DZANK1: variants seen among roughly 807,000 people sequenced by gnomAD.
DZANK1 encodes the protein double zinc ribbon and ankyrin repeat domains 1.
In DZANK1, 91 loss-of-function variants were observed where a neutral mutation model predicts 94.5. The ratio of observed to expected loss-of-function variants is 0.96; its 90% CI spans 0.81 to 1.15. The LOEUF is 1.15. DZANK1 is among the 50% of genes most tolerant of loss of function. DZANK1 has a pLI of 0.00. For synonymous variants in DZANK1, 312 were observed against 325.3 expected (o/e 0.96, Z 0.44); for missense variants, 903 against 916.4 (o/e 0.99, Z 0.19).
At chr20:18,436,750 A>C (rs983000142) in intron 8 of DZANK1, among the ~76,000 whole-genome samples, 12 of 152,152 alleles carry the variant, frequency 7.9e-5, no homozygotes, top group African/African-American at 2.9e-4. Context: ...AAAGACAAAC[A>C]CAAAGAGACC....
chr20:18,394,119 A>T, intron 16 of DZANK1, 135 bp downstream of exon 16: 1 of 768,378 alleles, frequency 1.3e-6, no homozygotes, highest in Non-Finnish European at 2.1e-6. Flanking sequence ...GAGAAGCCAG[A>T]GAAATAAAAC....
chr20:18,429,864 C>T (rs1198219633), intron 9 of DZANK1, among the ~76,000 whole-genome samples: 1 of 152,158 alleles, frequency 6.6e-6, no homozygotes, highest in African/African-American at 2.4e-5. Flanking sequence ...TATCACAATC[C>T]ACTATACTCA....
chr20:18,392,666 T>C (rs2056082926), intron 17 of DZANK1, among the ~76,000 whole-genome samples: 2 of 152,268 alleles, frequency 1.3e-5, no homozygotes, highest in African/African-American at 2.4e-5. Flanking sequence ...ATTCTTGGCA[T>C]ATATTTTTAA....
chr20:18,386,853 C>G (rs1422566250), intron 19 of DZANK1, among the ~76,000 whole-genome samples: 1 of 152,126 alleles, frequency 6.6e-6, no homozygotes, highest in Non-Finnish European at 1.5e-5. Context: ...TGTGGAATTT[C>G]AGAACATCAA....
intron 10 of DZANK1, among the ~76,000 whole-genome samples, chr20:18,425,767 C>T (rs2058013681): frequency 6.6e-6 from 1 of 152,122 alleles, no homozygotes; most frequent in South Asian, 2.1e-4. Context: ...GAAATCTGGA[C>T]ACAGTGGCAT....
At chr20:18,452,763 T>C (rs762267536) in intron 5 of DZANK1, 24 bp from the exon 6 acceptor site, 34 of 1,536,802 alleles carry the variant, frequency 2.2e-5, no homozygotes, top group Non-Finnish European at 2.9e-5. Context: ...AAAAACATTA[T>C]TCTTTGAGCA....
At chr20:18,406,541 C>T (rs968978674) in intron 13 of DZANK1, among the ~76,000 whole-genome samples, 4 of 152,232 alleles carry the variant, frequency 2.6e-5, no homozygotes, top group Non-Finnish European at 5.9e-5. Context: ...AAATAACCAC[C>T]AGCAATACCC....
intron 14 of DZANK1, among the ~76,000 whole-genome samples, chr20:18,397,650 G>A (rs886954667): frequency 2.0e-5 from 3 of 152,216 alleles, no homozygotes; most frequent in African/African-American, 7.2e-5. Context: ...GGGCATAGCA[G>A]AGATAGCTTG....
chr20:18,395,267 A>G (rs2056271319), intron 15 of DZANK1, among the ~76,000 whole-genome samples: 1 of 152,218 alleles, frequency 6.6e-6, no homozygotes, highest in Non-Finnish European at 1.5e-5. Context: ...CAGCTGAGGA[A>G]CGAGAATTGC....
intron 8 of DZANK1, among the ~76,000 whole-genome samples, chr20:18,435,215 G>T (rs984600999): frequency 2.0e-5 from 3 of 152,212 alleles, no homozygotes; most frequent in African/African-American, 7.2e-5. Flanking sequence ...GGATGGAGCT[G>T]CCTGTGTACA....
At chr20:18,417,279 A>G (rs377113808) in intron 10 of DZANK1, among the ~76,000 whole-genome samples, 1 of 152,374 alleles carries the variant, frequency 6.6e-6, no homozygotes, top group Admixed American at 6.5e-5. Flanking sequence ...ACCCAGAAAC[A>G]GTTACATCAC....
intron 4 of DZANK1, chr20:18,454,216 C>T (rs2059205077): frequency 2.8e-6 from 1 of 358,988 alleles, no homozygotes; most frequent in Non-Finnish European, 5.5e-6. Context: ...AGTCCTTAAA[C>T]ACTCTTCTCT....
At position 18,433,930 on chromosome 20, in the gene DZANK1, AT is replaced by A. The variant is rs2058395534; in HGVS notation, c.748-166del. On this transcript the variant is annotated intron_variant, in intron 8 of 20. Coordinates refer to ENST00000262547, the Ensembl canonical transcript of DZANK1. ...GGCTTGGTTAGTACTTGGTGGAAGA[AT>A]GTAAAGTTTGATTTGTTTTTGTAAA... The A allele has an allele frequency of 3.0e-5, 17 of 572,438 alleles. 1 individual carries two copies. The South Asian group carries it at 4.2e-4, about 14-fold the overall frequency. 35.5% of individuals were successfully genotyped at this position (572,438 alleles called of 1,614,324 possible).
intron 13 of DZANK1, among the ~76,000 whole-genome samples, chr20:18,409,305 G>C (rs2057116588): frequency 6.6e-6 from 1 of 152,038 alleles, no homozygotes; most frequent in Non-Finnish European, 1.5e-5. Flanking sequence ...GCAAGAGAGA[G>C]GTGATTCCTA....
intron 2 of DZANK1, among the ~76,000 whole-genome samples, chr20:18,463,827 G>A (rs2059554346): frequency 6.6e-6 from 1 of 151,992 alleles, no homozygotes; most frequent in African/African-American, 2.4e-5. Flanking sequence ...TAACATAAAT[G>A]CAGATAGTTT....
intron 7 of DZANK1, among the ~76,000 whole-genome samples, chr20:18,447,492 A>G (rs1456076696): frequency 1.5e-5 from 2 of 134,434 alleles, no homozygotes; most frequent in Non-Finnish European, 3.3e-5. Context: ...ACGCACAGCT[A>G]ATTTTTTGTA....
At chr20:18,414,894 T>C (rs2057415834) in intron 11 of DZANK1, among the ~76,000 whole-genome samples, 1 of 152,234 alleles carries the variant, frequency 6.6e-6, no homozygotes, top group Non-Finnish European at 1.5e-5. Context: ...ATGCATTGAA[T>C]AGCTGAAAGA....
At chr20:18,426,504 C>T (rs752175330) in intron 10 of DZANK1, among the ~76,000 whole-genome samples, 7 of 152,140 alleles carry the variant, frequency 4.6e-5, no homozygotes, top group Non-Finnish European at 5.9e-5. Context: ...CAGCTTCTTC[C>T]GGTACAAAGC....
At chr20:18,385,253 T>C (rs112885963) in intron 19 of DZANK1, among the ~76,000 whole-genome samples, 163 bp from the exon 20 acceptor site, 5 of 151,924 alleles carry the variant, frequency 3.3e-5, no homozygotes, top group African/African-American at 1.2e-4. Flanking sequence ...GGAGGAATAC[T>C]GTGATGGAGG....
Sources: gnomAD v4.1 joint callset for allele counts (sites outside exome capture counted in the v4.1 genomes callset) on GRCh38, gnomAD v4.1.1 for gene constraint, MANE v1.5 for transcripts, NCBI Gene and HGNC (gene_info 2026-07-23, HGNC 2026-07-21) for gene names.